The following ASIC2 variants were observed in gnomAD, a reference collection of about 807,000 sequenced individuals.
The protein encoded by ASIC2 is acid-sensing ion channel 2.
ASIC2 carries 25 observed loss-of-function variants against 57.3 expected under a neutral mutation model. The ratio of observed to expected loss-of-function variants is 0.44; its 90% CI spans 0.32 to 0.61. The LOEUF is 0.61. Ranked by LOEUF, ASIC2 falls within the 20% of genes least tolerant of loss-of-function variation. The pLI is 0.06. For missense variants in ASIC2, 641 were observed against 738.1 expected, an observed-to-expected ratio of 0.87 and a Z score of 1.52; for synonymous variants, 319 against 307.5, an observed-to-expected ratio of 1.04 and a Z score of -0.39.
intron 1 of ASIC2, among the ~76,000 whole-genome samples, chr17:33,352,561 A>G (rs774281742): frequency 2.0e-5 from 3 of 152,156 alleles, no homozygotes; most frequent in Non-Finnish European, 2.9e-5. Flanking sequence ...TTCAGTTATC[A>G]TCCATCGAAC....
Position 33,403,838 on chromosome 17 carries a change from C to T in ASIC2, c.556-291771G>A, listed in dbSNP as rs555022653. ...GTTTACAGGTGAAGAAGCCAAGCTC[C>T]AGAGAGAGGAAATGACTTTTCCAAG... On this transcript the variant is annotated intron_variant, in intron 1 of 9. Coordinates refer to the ASIC2 transcript ENST00000359872. Among the ~76,000 whole-genome samples the T allele has an allele frequency of 8.5e-5, 13 of 152,286 alleles. No homozygotes were observed. The South Asian group carries it at 2.7e-3, about 32-fold the overall frequency.
intron 1 of ASIC2, among the ~76,000 whole-genome samples, chr17:34,132,001 T>C (rs10512460): frequency 6.6e-6 from 1 of 152,158 alleles, no homozygotes. Context: ...GGTGCTGTCC[T>C]GGAATTTGAG....
intron 3 of ASIC2, among the ~76,000 whole-genome samples, chr17:33,034,362 T>C (rs1476122276): frequency 6.6e-6 from 1 of 152,064 alleles, no homozygotes; most frequent in African/African-American, 2.4e-5. Flanking sequence ...TCAGGAGTGG[T>C]AGTGCACCCC....
intron 1 of ASIC2, among the ~76,000 whole-genome samples, chr17:33,324,422 A>G (rs1344208638): frequency 4.6e-5 from 7 of 152,086 alleles, no homozygotes; most frequent in Non-Finnish European, 7.4e-5. Flanking sequence ...TGCTGTTCTT[A>G]TGATTCACTC....
At chr17:33,708,650 C>T (rs1207252004) in intron 1 of ASIC2, among the ~76,000 whole-genome samples, 1 of 152,146 alleles carries the variant, frequency 6.6e-6, no homozygotes, top group Non-Finnish European at 1.5e-5. Context: ...GGTTTCTCTG[C>T]TCCATGTCCA....
intron 1 of ASIC2, among the ~76,000 whole-genome samples, chr17:33,289,905 C>CAA: frequency 6.6e-6 from 1 of 151,552 alleles, no homozygotes; most frequent in South Asian, 2.1e-4. Flanking sequence ...TAGTGATCAG[C>CAA]AAAAAAAACA....
chr17:33,995,637 T>A (rs903374951), intron 1 of ASIC2, among the ~76,000 whole-genome samples: 1 of 152,184 alleles, frequency 6.6e-6, no homozygotes, highest in Non-Finnish European at 1.5e-5. Context: ...CACACGCATA[T>A]AAACCACAAT....
chr17:33,430,081 G>A (rs1249630175), intron 1 of ASIC2, among the ~76,000 whole-genome samples: 1 of 152,132 alleles, frequency 6.6e-6, no homozygotes, highest in Non-Finnish European at 1.5e-5. Flanking sequence ...CCCATCCCCA[G>A]AACCAGGGCT....
chr17:33,818,668 C>T (rs2141891414), intron 1 of ASIC2, among the ~76,000 whole-genome samples: 1 of 152,290 alleles, frequency 6.6e-6, no homozygotes. Context: ...CACAGGACTG[C>T]CCCCACAACA....
chr17:33,300,445 C>T (rs984283130), intron 1 of ASIC2, among the ~76,000 whole-genome samples: 2 of 152,150 alleles, frequency 1.3e-5, no homozygotes, highest in African/African-American at 4.8e-5. Context: ...GGTCCTATGA[C>T]AAGGTGGTAC....
chr17:33,891,483 G>A (rs571617254), intron 1 of ASIC2, among the ~76,000 whole-genome samples: 1 of 152,254 alleles, frequency 6.6e-6, no homozygotes, highest in East Asian at 1.9e-4. Flanking sequence ...TATACTGAAG[G>A]GATGCTGTGG....
chr17:33,166,476 T>C (rs1301536214), intron 1 of ASIC2, among the ~76,000 whole-genome samples: 1 of 152,158 alleles, frequency 6.6e-6, no homozygotes, highest in Non-Finnish European at 1.5e-5. Flanking sequence ...GGAGTTCCCA[T>C]TATCTGGGAA....
intron 1 of ASIC2, among the ~76,000 whole-genome samples, chr17:33,230,711 G>T (rs1234837830): frequency 6.6e-6 from 1 of 152,074 alleles, no homozygotes; most frequent in Non-Finnish European, 1.5e-5. Flanking sequence ...GGGGTAAGAA[G>T]GGGGGTAAGA....
rs1413338647 is a variant in ASIC2, at chr17:33,291,559, C to G, written c.557G>C (p.Arg186Pro). 1 of 1,611,704 alleles carries G rather than the reference C, an allele frequency of 6.2e-7. No individual in the cohort carries two copies. Among genetic ancestry groups the G allele is most frequent in the African/African-American group, 1.3e-5 (1 of 75,030 alleles). Residue 186 changes from arginine to proline, a missense_variant, in exon 1 of 10, where the codon CGC becomes CCC. Transcript: ENST00000225823. ...RGDEPRRQWF[R>P]KLADFRLFLP... ...GAAGAGGCGGAAGTCCGCCAGCTTG[C>G]GGAACCACTGGCGGCGCGGCTCGTC...
intron 1 of ASIC2, among the ~76,000 whole-genome samples, chr17:33,805,689 T>A (rs1365205117): frequency 6.6e-6 from 1 of 152,188 alleles, no homozygotes; most frequent in East Asian, 1.9e-4. Flanking sequence ...TGGAGAATCC[T>A]GTTTCTGACG....
At chr17:33,392,170 T>TTCCTTCCTTC (rs1909915779) in intron 1 of ASIC2, among the ~76,000 whole-genome samples, 1 of 128,872 alleles carries the variant, frequency 7.8e-6, no homozygotes, top group African/African-American at 3.0e-5. Context: ...TCTTTTCCTT[T>TTCCTTCCTTC]CTTCCTTCCT....
intron 1 of ASIC2, among the ~76,000 whole-genome samples, chr17:34,093,236 T>C (rs926197758): frequency 1.3e-5 from 2 of 152,192 alleles, no homozygotes; most frequent in Non-Finnish European, 2.9e-5. Context: ...CCTTCACCTT[T>C]TCTAGCTCAC....
chr17:33,963,891 A>C (rs1397415724), intron 1 of ASIC2, among the ~76,000 whole-genome samples: 1 of 152,224 alleles, frequency 6.6e-6, no homozygotes, highest in African/African-American at 2.4e-5. Context: ...TTCTTAAAAG[A>C]AAGATTGCTA....
At chr17:33,579,536 C>G (rs1165173926) in intron 1 of ASIC2, among the ~76,000 whole-genome samples, 1 of 152,102 alleles carries the variant, frequency 6.6e-6, no homozygotes, top group African/African-American at 2.4e-5. Flanking sequence ...TCTCGGTCTC[C>G]CTGCCTTCAA....
Sources: gnomAD v4.1 joint callset for allele counts (sites outside exome capture counted in the v4.1 genomes callset) on GRCh38, gnomAD v4.1.1 for gene constraint, MANE v1.5 for transcripts, NCBI Gene and HGNC (gene_info 2026-07-23, HGNC 2026-07-21) for gene names.